Variants in SLC25A21 observed in about 807,000 individuals in gnomAD.
The protein encoded by SLC25A21 is solute carrier family 25 member 21.
SLC25A21 carries 47 observed loss-of-function variants against 43.8 expected under a neutral mutation model. The observed-to-expected ratio is 1.07, with a 90% confidence interval of 0.85 to 1.37. The LOEUF (loss-of-function observed/expected upper bound fraction) is 1.37, where lower values mean the gene tolerates loss of function less well. Among genes scored for constraint, SLC25A21 ranks in the 40% most tolerant of loss-of-function variants. The probability of loss-of-function intolerance (pLI) is 0.00; values close to 1 mark genes in which losing one functional copy is unlikely to be tolerated. For synonymous variants in SLC25A21, 131 were observed against 121.3 expected (o/e 1.08, Z -0.52); for missense variants, 352 against 350.2 (o/e 1.00, Z -0.04).
chr14:36,711,543 T>C (rs147664635), intron 6 of SLC25A21, 61 bp from the exon 7 acceptor site: 16,279 of 1,532,346 alleles, frequency 0.011, 123 homozygotes, highest in South Asian at 0.016. Context: ...TACAGTAAAT[T>C]ACCGTATTAA....
chr14:37,023,260 G>T (rs1367909829), intron 1 of SLC25A21, among the ~76,000 whole-genome samples: 1 of 151,958 alleles, frequency 6.6e-6, no homozygotes, highest in Non-Finnish European at 1.5e-5. Flanking sequence ...CCCTAGTATA[G>T]ATTATTAGGC....
chr14:36,764,186 AAGAAAGAG>A (rs1458684367), intron 3 of SLC25A21, among the ~76,000 whole-genome samples: 11 of 90,724 alleles, frequency 1.2e-4, no homozygotes, highest in Non-Finnish European at 1.5e-4. Flanking sequence ...GAAAGAAAGA[AAGAAAGAG>A]AAAGAAAGAA....
chr14:36,796,896 G>A (rs572909396), intron 3 of SLC25A21, among the ~76,000 whole-genome samples: 5 of 152,230 alleles, frequency 3.3e-5, no homozygotes, highest in South Asian at 2.1e-4. Flanking sequence ...TGGACTCAGC[G>A]AGTAAGCCTG....
chr14:36,924,868 CA>C (rs1892086834), intron 1 of SLC25A21, among the ~76,000 whole-genome samples: 1 of 151,932 alleles, frequency 6.6e-6, no homozygotes, highest in Non-Finnish European at 1.5e-5. Flanking sequence ...AGGTTATATG[CA>C]AATACTATGC....
chr14:36,690,553 C>T (rs1204829897), intron 7 of SLC25A21, among the ~76,000 whole-genome samples: 1 of 152,038 alleles, frequency 6.6e-6, no homozygotes, highest in African/African-American at 2.4e-5. Context: ...TGAATCCAGC[C>T]AAAAAATATT....
At chr14:36,948,543 TAGA>T (rs1892728680) in intron 1 of SLC25A21, among the ~76,000 whole-genome samples, 1 of 152,146 alleles carries the variant, frequency 6.6e-6, no homozygotes, top group African/African-American at 2.4e-5. Context: ...AGACATCTAG[TAGA>T]AGAACATCAT....
At chr14:36,832,941 T>C (rs1335601788) in intron 2 of SLC25A21, among the ~76,000 whole-genome samples, 1 of 152,230 alleles carries the variant, frequency 6.6e-6, no homozygotes, top group Non-Finnish European at 1.5e-5. Flanking sequence ...TCTCATTGTT[T>C]ATCAGCATTT....
chr14:37,096,076 G>C (rs1264579926), intron 1 of SLC25A21, among the ~76,000 whole-genome samples: 1 of 152,030 alleles, frequency 6.6e-6, no homozygotes, highest in Non-Finnish European at 1.5e-5. Context: ...TAACAAAAGA[G>C]TGAAGAACAG....
intron 3 of SLC25A21, among the ~76,000 whole-genome samples, chr14:36,805,278 A>C (rs1035583212): frequency 1.3e-5 from 2 of 152,176 alleles, no homozygotes; most frequent in African/African-American, 4.8e-5. Flanking sequence ...AGTAAGTCGG[A>C]AAGTGTTGTG....
chr14:37,001,573 C>G (rs8019355), intron 1 of SLC25A21, among the ~76,000 whole-genome samples: 1 of 151,850 alleles, frequency 6.6e-6, no homozygotes, highest in East Asian at 1.9e-4. Flanking sequence ...TTTTCTTTCA[C>G]GCAACCTTTC....
intron 1 of SLC25A21, among the ~76,000 whole-genome samples, chr14:36,898,079 A>G (rs1347224225): frequency 6.6e-6 from 1 of 152,148 alleles, no homozygotes; most frequent in Non-Finnish European, 1.5e-5. Context: ...AGGGACATTT[A>G]AGTCTGCAGA....
At chr14:37,145,970 G>T (rs1437139097) in intron 1 of SLC25A21, among the ~76,000 whole-genome samples, 1 of 152,022 alleles carries the variant, frequency 6.6e-6, no homozygotes, top group Non-Finnish European at 1.5e-5. Context: ...ACAGCATTCG[G>T]TTCCTAGGGT....
At chr14:36,863,513 C>CA (rs1891162633) in intron 2 of SLC25A21, among the ~76,000 whole-genome samples, 2 of 151,848 alleles carry the variant, frequency 1.3e-5, no homozygotes, top group African/African-American at 2.4e-5. Context: ...ATCCCATTTA[C>CA]AAAAAAATAA....
chr14:36,862,128 A>G lies in SLC25A21; in HGVS notation c.119+12828T>C, dbSNP rs141739968. Among the ~76,000 whole-genome samples the G allele has an allele frequency of 5.5e-3, 839 of 152,290 alleles. 8 individuals are homozygous for G. The highest frequency in any genetic ancestry group is 0.019 in the African/African-American group (790 of 41,562). On this transcript the variant is annotated intron_variant, in intron 2 of 9. Coordinates refer to ENST00000331299, the MANE Select transcript of SLC25A21 (RefSeq NM_030631.4). ...GGAAACAACACATGCTGGAGAGGAT[A>G]TGGAGAAATAGGAATGCTTTTACAT...
intron 3 of SLC25A21, among the ~76,000 whole-genome samples, chr14:36,806,452 C>A (rs1005541305): frequency 6.6e-6 from 1 of 152,100 alleles, no homozygotes; most frequent in East Asian, 1.9e-4. Context: ...CATCACCATA[C>A]ATTGCATGTA....
At chr14:36,800,440 C>G (rs1384116860) in intron 3 of SLC25A21, among the ~76,000 whole-genome samples, 1 of 152,092 alleles carries the variant, frequency 6.6e-6, no homozygotes, top group Non-Finnish European at 1.5e-5. Context: ...ACAGATGAAC[C>G]TTGAAGGTAC....
chr14:36,755,725 A>ACT (rs1885902966), intron 3 of SLC25A21, among the ~76,000 whole-genome samples: 1 of 152,236 alleles, frequency 6.6e-6, no homozygotes, highest in African/African-American at 2.4e-5. Flanking sequence ...AGAGGAATCA[A>ACT]AAACAGATTA....
At chr14:36,992,908 G>A (rs1358127799) in intron 1 of SLC25A21, among the ~76,000 whole-genome samples, 1 of 152,112 alleles carries the variant, frequency 6.6e-6, no homozygotes, top group Admixed American at 6.6e-5. Flanking sequence ...TGCATGACAA[G>A]GAATGTTTCC....
chr14:37,018,947 A>G (rs1018937347), intron 1 of SLC25A21, among the ~76,000 whole-genome samples: 2 of 152,046 alleles, frequency 1.3e-5, no homozygotes, highest in African/African-American at 4.8e-5. Flanking sequence ...TACTCTGAAT[A>G]TAGCTGTGGG....
Sources: gnomAD v4.1 joint callset for allele counts (sites outside exome capture counted in the v4.1 genomes callset) on GRCh38, gnomAD v4.1.1 for gene constraint, MANE v1.5 for transcripts, NCBI Gene and HGNC (gene_info 2026-07-23, HGNC 2026-07-21) for gene names.